The following DCC variants were observed in gnomAD, a reference collection of about 807,000 sequenced individuals.
DCC encodes the protein DCC netrin 1 receptor.
DCC carries 58 observed loss-of-function variants against 172.5 expected under a neutral mutation model. That is an observed-to-expected ratio of 0.34 (90% confidence interval 0.27 to 0.42). DCC has a LOEUF of 0.42. DCC is among the 10% of genes least tolerant of loss of function. The pLI is 1.00. For missense variants in DCC, 1,740 were observed against 1,791.0 expected (o/e 0.97, Z 0.51); for synonymous variants, 709 against 644.5 (o/e 1.10, Z -1.52).
intron 1 of DCC, among the ~76,000 whole-genome samples, chr18:52,590,644 A>G (rs1436642540): frequency 6.6e-6 from 1 of 152,192 alleles, no homozygotes; most frequent in Admixed American, 6.6e-5. Flanking sequence ...GAAATAGTGC[A>G]GTGTGGGTAC....
intron 20 of DCC, among the ~76,000 whole-genome samples, chr18:53,412,065 G>A (rs1361821091): frequency 6.6e-6 from 1 of 152,098 alleles, no homozygotes; most frequent in Non-Finnish European, 1.5e-5. Context: ...CATAAGATTT[G>A]CAGGCCCACA....
intron 2 of DCC, among the ~76,000 whole-genome samples, chr18:52,804,464 A>G (rs2038049983): frequency 6.6e-6 from 1 of 152,218 alleles, no homozygotes; most frequent in Non-Finnish European, 1.5e-5. Flanking sequence ...AAAACAGCTC[A>G]GCTGGGTCAG....
At chr18:52,378,405 T>C (rs1445930638) in intron 1 of DCC, among the ~76,000 whole-genome samples, 1 of 152,152 alleles carries the variant, frequency 6.6e-6, no homozygotes, top group Non-Finnish European at 1.5e-5. Context: ...CAACGAGCCT[T>C]TGTTTAGCAC....
chr18:53,125,436 T>G (rs1393985078), intron 7 of DCC, among the ~76,000 whole-genome samples: 1 of 152,086 alleles, frequency 6.6e-6, no homozygotes, highest in Non-Finnish European at 1.5e-5. Context: ...CTTGGAAAGT[T>G]CTTGCATGGT....
chr18:52,921,540 A>G (rs2040125034), intron 3 of DCC, among the ~76,000 whole-genome samples: 1 of 151,812 alleles, frequency 6.6e-6, no homozygotes, highest in South Asian at 2.1e-4. Context: ...CTCTACTAAA[A>G]ATACCAAAAT....
intron 2 of DCC, among the ~76,000 whole-genome samples, chr18:52,762,526 G>A (rs986282731): frequency 6.6e-6 from 1 of 150,974 alleles, no homozygotes; most frequent in Non-Finnish European, 1.5e-5. Flanking sequence ...TATTTGATAG[G>A]TCTCAGTATA....
At chr18:52,977,192 G>GA (rs1214298764) in intron 5 of DCC, among the ~76,000 whole-genome samples, 2 of 151,946 alleles carry the variant, frequency 1.3e-5, no homozygotes, top group South Asian at 2.1e-4. Context: ...TTTTTGCTGG[G>GA]AAAAATATTG....
chr18:52,476,146 C>T (rs1221222079), intron 1 of DCC, among the ~76,000 whole-genome samples: 1 of 152,168 alleles, frequency 6.6e-6, no homozygotes, highest in Non-Finnish European at 1.5e-5. Context: ...AATCTGTCCT[C>T]CATGAGTTTC....
intron 2 of DCC, among the ~76,000 whole-genome samples, chr18:52,876,262 T>A (rs1381868548): frequency 6.6e-6 from 1 of 152,248 alleles, no homozygotes; most frequent in East Asian, 1.9e-4. Flanking sequence ...TATTGTTTAC[T>A]GATCTGACAC....
chr18:53,233,449 T>A (rs747600947), intron 12 of DCC, among the ~76,000 whole-genome samples: 24 of 152,310 alleles, frequency 1.6e-4, no homozygotes, highest in Non-Finnish European at 3.4e-4. Flanking sequence ...TTCTATACAC[T>A]TTTTCCCTAG....
At chr18:53,341,889 G>A (rs1205215945) in intron 15 of DCC, among the ~76,000 whole-genome samples, 2 of 151,954 alleles carry the variant, frequency 1.3e-5, no homozygotes, top group Admixed American at 1.3e-4. Flanking sequence ...TTTTGAGAAG[G>A]TATTTATAAC....
chr18:52,902,968 TCA>T lies in DCC; in HGVS notation c.413-3073_413-3072del, dbSNP rs534947754. On this transcript the variant is annotated intron_variant, in intron 2 of 28. Coordinates refer to ENST00000442544, the MANE Select transcript of DCC (RefSeq NM_005215.4). ...CCTGGCTTGTTAAGATCTGAAATCA[TCA>T]CAGAGTGCATGCAATTCTATTAGCC... Among the ~76,000 whole-genome samples the T allele has an allele frequency of 2.0e-4, 31 of 152,334 alleles. 1 individual carries two copies. The highest frequency in any genetic ancestry group is 3.4e-3 in the Middle Eastern group (1 of 294).
At chr18:52,877,406 C>A (rs543509309) in intron 2 of DCC, among the ~76,000 whole-genome samples, 15 of 152,034 alleles carry the variant, frequency 9.9e-5, no homozygotes, top group Non-Finnish European at 2.1e-4. Context: ...GTTGAGAAAA[C>A]AAAATATTAG....
intron 8 of DCC, among the ~76,000 whole-genome samples, chr18:53,172,499 T>A (rs546039651): frequency 6.6e-6 from 1 of 152,266 alleles, no homozygotes; most frequent in East Asian, 1.9e-4. Flanking sequence ...AAATACAGAA[T>A]AATACCTGTT....
intron 12 of DCC, among the ~76,000 whole-genome samples, chr18:53,261,033 T>C (rs893992105): frequency 5.3e-5 from 8 of 152,102 alleles, no homozygotes; most frequent in Admixed American, 1.3e-4. Context: ...TGGTGTGCCA[T>C]TTGCTAAGAC....
intron 23 of DCC, among the ~76,000 whole-genome samples, chr18:53,451,737 C>CTCTCCA (rs2045417228): frequency 2.0e-5 from 3 of 151,922 alleles, no homozygotes; most frequent in East Asian, 3.9e-4. Flanking sequence ...CTCTCTCCAT[C>CTCTCCA]TCTCTCTCTC....
chr18:53,066,254 C>A lies in DCC; in HGVS notation c.1261+88C>A, dbSNP rs1433172023. On this transcript the variant is annotated intron_variant, in intron 7 of 28. Transcript: ENST00000442544. ...AATCCATATTGTTTTTCCTACCCCTCAAGGGCAATATGGCAATATGAAATC... is the reference window on the plus strand; with the variant it reads ...AATCCATATTGTTTTTCCTACCCCTAAAGGGCAATATGGCAATATGAAATC... The A allele has an allele frequency of 1.0e-5, 13 of 1,272,256 alleles. No homozygotes were observed. The Admixed American group carries it at 2.3e-4, about 22-fold the overall frequency. 78.8% of individuals were successfully genotyped at this position (1,272,256 alleles called of 1,614,324 possible).
At chr18:52,487,352 T>C (rs2030276904) in intron 1 of DCC, among the ~76,000 whole-genome samples, 1 of 152,158 alleles carries the variant, frequency 6.6e-6, no homozygotes, top group Non-Finnish European at 1.5e-5. Flanking sequence ...ACTCTGGTCT[T>C]TGTTCTATCA....
At chr18:52,766,717 C>T (rs2037258303) in intron 2 of DCC, among the ~76,000 whole-genome samples, 1 of 151,918 alleles carries the variant, frequency 6.6e-6, no homozygotes, top group Non-Finnish European at 1.5e-5. Flanking sequence ...GGGGTCTTTA[C>T]AGGCACATGA....
Sources: allele counts gnomAD v4.1 joint callset (sites outside exome capture counted in the v4.1 genomes callset), GRCh38; gene constraint gnomAD v4.1.1; transcripts MANE v1.5; gene names NCBI Gene and HGNC (gene_info 2026-07-23, HGNC 2026-07-21).